The following FTO variants were observed in gnomAD, a reference collection of about 807,000 sequenced individuals.
FTO encodes the protein FTO alpha-ketoglutarate dependent dioxygenase.
Under a neutral mutation model 63.9 loss-of-function variants are expected in FTO, and 47 were observed. The ratio of observed to expected loss-of-function variants is 0.74; its 90% CI spans 0.58 to 0.94. FTO has a LOEUF of 0.94. Ranked by LOEUF, FTO falls within the 40% of genes least tolerant of loss-of-function variation. FTO has a pLI of 0.00. For missense variants in FTO, 562 were observed against 618.1 expected, an observed-to-expected ratio of 0.91 and a Z score of 0.96; for synonymous variants, 207 against 224.4, an observed-to-expected ratio of 0.92 and a Z score of 0.69.
At position 53,844,215 on chromosome 16, in the gene FTO, A is replaced by G. The variant is rs868433402; in HGVS notation, c.812A>G (p.His271Arg). ...HLEGRDPDIWHVGFKISWDIE... is the reference protein window; with the variant it reads ...HLEGRDPDIWRVGFKISWDIE... ...GAAGGCAGGGATCCTGATATTTGGCATGTTGGTTTTAAGATCTCATGGGAC... is the reference window on the plus strand; with the variant it reads ...GAAGGCAGGGATCCTGATATTTGGCGTGTTGGTTTTAAGATCTCATGGGAC... Residue 271 changes from histidine (H) to arginine (R), a missense_variant, in exon 4 of 9, where the codon CAT (histidine) becomes CGT (arginine). Transcript: ENST00000471389. 4 of 1,613,648 alleles carry G rather than the reference A, an allele frequency of 2.5e-6. No homozygotes were observed. In the Admixed American group the frequency reaches 6.7e-5, roughly 27 times the overall value.
At chr16:53,970,291 G>T (rs2083286379) in intron 8 of FTO, among the ~76,000 whole-genome samples, 1 of 152,056 alleles carries the variant, frequency 6.6e-6, no homozygotes, top group African/African-American at 2.4e-5. Context: ...AAGCCGACTT[G>T]GGTGAAAAAC....
chr16:54,096,455 A>G (rs1213970247), intron 8 of FTO, among the ~76,000 whole-genome samples: 1 of 152,194 alleles, frequency 6.6e-6, no homozygotes, highest in African/African-American at 2.4e-5. Flanking sequence ...CTGTCATAAA[A>G]CATCCATAGG....
At chr16:53,745,768 T>C (rs968593060) in intron 1 of FTO, among the ~76,000 whole-genome samples, 3 of 152,170 alleles carry the variant, frequency 2.0e-5, no homozygotes, top group African/African-American at 7.2e-5. Context: ...TTCCGTTGCT[T>C]TGGATAAACC....
At chr16:53,975,673 A>G (rs1197594788) in intron 8 of FTO, among the ~76,000 whole-genome samples, 3 of 151,946 alleles carry the variant, frequency 2.0e-5, no homozygotes, top group Non-Finnish European at 4.4e-5. Context: ...GTCCTCAAAA[A>G]AAAAAGACAT....
chr16:54,111,815 G>A lies in FTO; in HGVS notation c.1418G>A (p.Arg473Gln), dbSNP rs777486753. The change falls in exon 9 of 9, where the codon CGG (arginine) becomes CAG (glutamine). Residue 473 changes from arginine (R) to glutamine (Q), a missense_variant. Arg to Gln is a conservative substitution (Grantham distance 43). Coordinates refer to ENST00000471389, the MANE Select transcript of FTO (RefSeq NM_001080432.3). ...TLPADQKPEC[R>Q]PYWEKDDASM... ...CCTGCTGATCAGAAGCCAGAATGTC[G>A]GCCATACTGGGAAAAGGATGATGCT... 216 of 1,613,908 alleles carry A rather than the reference G, an allele frequency of 1.3e-4. 1 individual carries two copies. The highest frequency in any genetic ancestry group is 1.2e-3 in the Middle Eastern group (7 of 6,084).
chr16:53,987,121 T>C (rs1466254678), intron 8 of FTO, among the ~76,000 whole-genome samples: 1 of 151,994 alleles, frequency 6.6e-6, no homozygotes, highest in Non-Finnish European at 1.5e-5. Flanking sequence ...TACGTCTTGC[T>C]CTAAAAAAAT....
intron 1 of FTO, among the ~76,000 whole-genome samples, chr16:53,804,377 T>C (rs2078300308): frequency 6.6e-6 from 1 of 152,134 alleles, no homozygotes; most frequent in African/African-American, 2.4e-5. Flanking sequence ...ATGAGGAAAT[T>C]GAGAATGAGC....
intron 5 of FTO, among the ~76,000 whole-genome samples, chr16:53,876,297 A>G (rs754541164): frequency 2.0e-5 from 3 of 152,168 alleles, no homozygotes; most frequent in Non-Finnish European, 4.4e-5. Context: ...AGCCTACTAT[A>G]TATATGGTTC....
At chr16:53,883,411 AG>A (rs1408414908) in intron 6 of FTO, among the ~76,000 whole-genome samples, 1 of 152,160 alleles carries the variant, frequency 6.6e-6, no homozygotes, top group Admixed American at 6.5e-5. Flanking sequence ...ACCTGAGGTC[AG>A]GAGTTCGAGA....
intron 8 of FTO, chr16:53,979,255 T>TA (rs1381079022): frequency 2.5e-5 from 10 of 394,956 alleles, no homozygotes; most frequent in Non-Finnish European, 4.5e-5. Context: ...GATTCCTAGA[T>TA]ATGGAATTAC....
chr16:53,962,164 G>A (rs191266557), intron 8 of FTO, among the ~76,000 whole-genome samples: 245 of 152,286 alleles, frequency 1.6e-3, no homozygotes, highest in African/African-American at 5.7e-3. Flanking sequence ...TTCTGTGGTA[G>A]ATTGCATAGA....
chr16:53,773,887 C>T (rs1244427972), intron 1 of FTO, among the ~76,000 whole-genome samples: 2 of 152,100 alleles, frequency 1.3e-5, no homozygotes, highest in African/African-American at 2.4e-5. Flanking sequence ...ACTTGTTACT[C>T]AGAACTGTGA....
chr16:54,042,130 C>T (rs563425885), intron 8 of FTO, among the ~76,000 whole-genome samples: 3 of 152,086 alleles, frequency 2.0e-5, no homozygotes, highest in Admixed American at 6.5e-5. Context: ...GGAACAGCTC[C>T]GGTCTACAGC....
At chr16:53,834,803 ATACT>A (rs1185151234) in intron 3 of FTO, among the ~76,000 whole-genome samples, 2 of 152,152 alleles carry the variant, frequency 1.3e-5, no homozygotes, top group African/African-American at 2.4e-5. Flanking sequence ...AGTTGATAAC[ATACT>A]TACATTGTTT....
Position 54,120,854 on chromosome 16 carries a change from T to A in FTO, c.*8939T>A, listed in dbSNP as rs2144649981. 6.6e-6 allele frequency: 1 copy of A among 152,208 alleles called. No individual in the cohort carries two copies. Among genetic ancestry groups the A allele is most frequent in the Non-Finnish European group, 1.5e-5 (1 of 68,018 alleles). The allele number at this position is 152,208 out of a possible 1,614,324, so 9.4% of individuals were successfully genotyped here. ...TGTGTGCTATTGTTTTCTCCATAGG[T>A]CACAAACATCCACAAGATATTGGTG... On this transcript the variant is annotated 3_prime_UTR_variant, in exon 9 of 9. Coordinates refer to ENST00000471389, the MANE Select transcript of FTO (RefSeq NM_001080432.3).
At chr16:53,898,699 T>G (rs1230008211) in intron 7 of FTO, among the ~76,000 whole-genome samples, 1 of 152,156 alleles carries the variant, frequency 6.6e-6, no homozygotes, top group Non-Finnish European at 1.5e-5. Context: ...AATCTTTTTT[T>G]GGGACGGTCT....
intron 8 of FTO, among the ~76,000 whole-genome samples, chr16:54,018,906 C>A (rs1370082030): frequency 2.0e-5 from 3 of 152,178 alleles, no homozygotes; most frequent in Non-Finnish European, 4.4e-5. Flanking sequence ...TCAAATTGTA[C>A]CCTGACTCAA....
chr16:54,032,248 A>T (rs1363887478), intron 8 of FTO, among the ~76,000 whole-genome samples: 1 of 152,184 alleles, frequency 6.6e-6, no homozygotes, highest in Non-Finnish European at 1.5e-5. Context: ...AAAAGACGTG[A>T]ATTTCAGAGG....
intron 4 of FTO, among the ~76,000 whole-genome samples, chr16:53,848,137 A>T (rs1404464221): frequency 6.6e-6 from 1 of 151,912 alleles, no homozygotes; most frequent in African/African-American, 2.4e-5. Context: ...CTTTTTTTTA[A>T]AAAGTCAAAA....
Sources: allele counts gnomAD v4.1 joint callset (sites outside exome capture counted in the v4.1 genomes callset), GRCh38; gene constraint gnomAD v4.1.1; transcripts MANE v1.5; gene names NCBI Gene and HGNC (gene_info 2026-07-23, HGNC 2026-07-21).